Variants in PARD3 observed in about 807,000 individuals in gnomAD.
PARD3 encodes partitioning defective 3 homolog.
PARD3 carries 75 observed loss-of-function variants against 155.4 expected under a neutral mutation model. The observed-to-expected ratio is 0.48, with a 90% CI of 0.40 to 0.58. The LOEUF (loss-of-function observed/expected upper bound fraction) is 0.58, where lower values mean the gene tolerates loss of function less well. Ranked by LOEUF, PARD3 falls within the 20% of genes least tolerant of loss-of-function variation. PARD3 has a pLI of 0.00. For synonymous variants in PARD3, 576 were observed against 610.5 expected (o/e 0.94, Z 0.83); for missense variants, 1,642 against 1,721.7 (o/e 0.95, Z 0.82).
intron 3 of PARD3, among the ~76,000 whole-genome samples, chr10:34,487,307 A>G (rs1258828249): frequency 6.6e-6 from 1 of 152,116 alleles, no homozygotes; most frequent in Non-Finnish European, 1.5e-5. Flanking sequence ...GTACTTTCTC[A>G]TCTGTCTGCC....
chr10:34,616,540 C>T (rs1226959879), intron 2 of PARD3, among the ~76,000 whole-genome samples: 1 of 152,138 alleles, frequency 6.6e-6, no homozygotes, highest in East Asian at 1.9e-4. Context: ...CAATTGAATA[C>T]TATTCAGGCA....
intron 3 of PARD3, among the ~76,000 whole-genome samples, 198 bp downstream of exon 3, chr10:34,516,781 G>A (rs1026396027): frequency 3.9e-5 from 6 of 152,152 alleles, no homozygotes; most frequent in Admixed American, 2.0e-4. Flanking sequence ...TCTACTAGTC[G>A]AAAGTAAAGA....
At chr10:34,542,489 C>T (rs2133896291) in intron 2 of PARD3, among the ~76,000 whole-genome samples, 1 of 152,232 alleles carries the variant, frequency 6.6e-6, no homozygotes, top group East Asian at 1.9e-4. Flanking sequence ...TCCAAAATGT[C>T]ATTTATGCAG....
At chr10:34,117,367 C>A (rs1946736416) in intron 24 of PARD3, among the ~76,000 whole-genome samples, 1 of 152,168 alleles carries the variant, frequency 6.6e-6, no homozygotes, top group Non-Finnish European at 1.5e-5. Flanking sequence ...GAGGGCCATG[C>A]CAGGTGGGCC....
intron 22 of PARD3, among the ~76,000 whole-genome samples, chr10:34,235,482 T>G (rs1228897425): frequency 6.6e-6 from 1 of 152,264 alleles, no homozygotes; most frequent in Non-Finnish European, 1.5e-5. Context: ...CTCATAGATA[T>G]TTTTGTGATG....
At chr10:34,564,384 G>C (rs2085754231) in intron 2 of PARD3, among the ~76,000 whole-genome samples, 1 of 152,148 alleles carries the variant, frequency 6.6e-6, no homozygotes, top group African/African-American at 2.4e-5. Flanking sequence ...GATTTTATCA[G>C]GGATCTACTT....
At chr10:34,462,714 T>A (rs1468729475) in intron 4 of PARD3, among the ~76,000 whole-genome samples, 1 of 151,584 alleles carries the variant, frequency 6.6e-6, no homozygotes, top group Non-Finnish European at 1.5e-5. Flanking sequence ...TGGCCCATGC[T>A]TGTAGTCCAA....
intron 2 of PARD3, among the ~76,000 whole-genome samples, chr10:34,524,019 A>G (rs1280217342): frequency 6.6e-6 from 1 of 151,934 alleles, no homozygotes; most frequent in Non-Finnish European, 1.5e-5. Flanking sequence ...ATTTTTTTTT[A>G]AGATTTCATT....
chr10:34,386,778 C>T (rs944013712), intron 7 of PARD3, among the ~76,000 whole-genome samples: 16 of 149,034 alleles, frequency 1.1e-4, no homozygotes, highest in South Asian at 4.2e-4. Context: ...GCCGAGATCG[C>T]GCCACTGCAC....
At chr10:34,385,909 C>T (rs936799839) in intron 7 of PARD3, among the ~76,000 whole-genome samples, 1 of 152,122 alleles carries the variant, frequency 6.6e-6, no homozygotes, top group African/African-American at 2.4e-5. Flanking sequence ...CTGAGGCAAA[C>T]AAGTCTATTT....
intron 2 of PARD3, among the ~76,000 whole-genome samples, chr10:34,664,930 C>T (rs2093413329): frequency 6.6e-6 from 1 of 151,660 alleles, no homozygotes; most frequent in Non-Finnish European, 1.5e-5. Flanking sequence ...TGATGGCTTA[C>T]AGAGAATTTG....
chr10:34,143,659 T>C (rs1264358276), intron 22 of PARD3, among the ~76,000 whole-genome samples: 1 of 152,144 alleles, frequency 6.6e-6, no homozygotes, highest in Non-Finnish European at 1.5e-5. Context: ...TTCTAAATCA[T>C]GGCTAAATTC....
At chr10:34,402,996 T>G (rs747727581) in intron 5 of PARD3, among the ~76,000 whole-genome samples, 8 of 152,176 alleles carry the variant, frequency 5.3e-5, no homozygotes, top group Non-Finnish European at 1.0e-4. Context: ...ATCAATGGAC[T>G]TATTAGCCAG....
chr10:34,635,088 C>T (rs2092420033), intron 2 of PARD3, among the ~76,000 whole-genome samples: 1 of 152,222 alleles, frequency 6.6e-6, no homozygotes, highest in Admixed American at 6.5e-5. Context: ...CGGAGATTCA[C>T]TTCTAACATG....
At chr10:34,141,138 T>C (rs2132863858) in intron 22 of PARD3, among the ~76,000 whole-genome samples, 1 of 152,312 alleles carries the variant, frequency 6.6e-6, no homozygotes, top group South Asian at 2.1e-4. Flanking sequence ...TATGTACAAA[T>C]CACCCTGAAT....
chr10:34,218,813 G>T (rs1323136314), intron 22 of PARD3, among the ~76,000 whole-genome samples: 2 of 151,350 alleles, frequency 1.3e-5, no homozygotes, highest in Admixed American at 6.6e-5. Flanking sequence ...GTCGTGTGGG[G>T]TGGGGGATGC....
At chr10:34,498,379 A>G (rs2080433812) in intron 3 of PARD3, among the ~76,000 whole-genome samples, 1 of 152,244 alleles carries the variant, frequency 6.6e-6, no homozygotes, top group Admixed American at 6.5e-5. Flanking sequence ...CATTTATTTA[A>G]GACATATTAG....
chr10:34,533,815 C>CAA (rs201546431), intron 2 of PARD3, among the ~76,000 whole-genome samples: 2 of 145,610 alleles, frequency 1.4e-5, no homozygotes, highest in Admixed American at 6.8e-5. Flanking sequence ...AAAAAAACAA[C>CAA]AAAAAAAAAC....
At chr10:34,541,474 T>C (rs1032118069) in intron 2 of PARD3, among the ~76,000 whole-genome samples, 2 of 152,226 alleles carry the variant, frequency 1.3e-5, no homozygotes, top group African/African-American at 4.8e-5. Flanking sequence ...TCTGAATTCA[T>C]AGGCAGCCTT....
Sources: allele counts gnomAD v4.1 joint callset (sites outside exome capture counted in the v4.1 genomes callset), GRCh38; gene constraint gnomAD v4.1.1; transcripts MANE v1.5; gene names NCBI Gene and HGNC (gene_info 2026-07-23, HGNC 2026-07-21).